KCNQ3: variants seen among roughly 807,000 people sequenced by gnomAD.
The protein encoded by KCNQ3 is potassium voltage-gated channel subfamily Q member 3.
A neutral mutation model predicts 92.5 loss-of-function variants in KCNQ3; 30 were observed. The ratio of observed to expected loss-of-function variants is 0.32; its 90% CI spans 0.24 to 0.44. KCNQ3 has a LOEUF of 0.44. Among genes scored for constraint, KCNQ3 ranks in the 20% least tolerant of loss-of-function variants. The probability of loss-of-function intolerance (pLI) is 1.00; values close to 1 mark genes in which losing one functional copy is unlikely to be tolerated. For missense variants in KCNQ3, 913 were observed against 1,140.3 expected (o/e 0.80, Z 2.87); for synonymous variants, 450 against 468.8 (o/e 0.96, Z 0.52).
At chr8:132,403,883 A>C (rs1291614038) in intron 1 of KCNQ3, among the ~76,000 whole-genome samples, 1 of 152,152 alleles carries the variant, frequency 6.6e-6, no homozygotes, top group Non-Finnish European at 1.5e-5. Flanking sequence ...AACCTCATGA[A>C]ACATCCTGTA....
chr8:132,451,598 G>A (rs927215343), intron 1 of KCNQ3, among the ~76,000 whole-genome samples: 1 of 152,188 alleles, frequency 6.6e-6, no homozygotes, highest in African/African-American at 2.4e-5. Flanking sequence ...AAAGTGCAGG[G>A]AAGAAGAAGA....
chr8:132,240,182 CTTTTTTTTTTTT>C (rs11342824), intron 1 of KCNQ3, among the ~76,000 whole-genome samples: 2 of 111,908 alleles, frequency 1.8e-5, no homozygotes, highest in Non-Finnish European at 3.5e-5. Flanking sequence ...TGCCATGATT[CTTTTTTTTTTTT>C]TTTTTTTTTG....
chr8:132,476,877 C>G lies in KCNQ3; in HGVS notation c.386+3270G>C, dbSNP rs188330627. ...AATGATATGTTTTCGCTCTGTGTCC[C>G]CACCCAACTCTCGTCTCAAATTATA... On this transcript the variant is annotated intron_variant, in intron 1 of 14. Coordinates refer to ENST00000388996, the MANE Select transcript of KCNQ3 (RefSeq NM_004519.4). Among the ~76,000 whole-genome samples the G allele has an allele frequency of 3.3e-5, 5 of 152,210 alleles. No individual in the cohort carries two copies. In the East Asian group the frequency reaches 9.7e-4, roughly 29 times the overall value.
At chr8:132,278,215 G>C in intron 1 of KCNQ3, 1 of 984,892 alleles carries the variant, frequency 1.0e-6, no homozygotes, top group Non-Finnish European at 1.2e-6. Context: ...TAAGACCAAA[G>C]ACAAAATTAG....
intron 1 of KCNQ3, among the ~76,000 whole-genome samples, chr8:132,376,808 T>C (rs942874281): frequency 1.3e-5 from 2 of 152,172 alleles, no homozygotes; most frequent in African/African-American, 4.8e-5. Flanking sequence ...CCTAGAGAGA[T>C]AAGTGACACT....
At chr8:132,251,348 G>T (rs1375269220) in intron 1 of KCNQ3, among the ~76,000 whole-genome samples, 1 of 152,208 alleles carries the variant, frequency 6.6e-6, no homozygotes, top group African/African-American at 2.4e-5. Flanking sequence ...ATACAATGAA[G>T]GTCTGGATCA....
At chr8:132,174,080 G>A (rs962910138) in intron 6 of KCNQ3, among the ~76,000 whole-genome samples, 159 bp downstream of exon 6, 1 of 152,116 alleles carries the variant, frequency 6.6e-6, no homozygotes, top group African/African-American at 2.4e-5. Context: ...AAGCAGCAGG[G>A]CCTGTGGCAA....
chr8:132,406,727 C>T (rs1325821942), intron 1 of KCNQ3, among the ~76,000 whole-genome samples: 1 of 152,250 alleles, frequency 6.6e-6, no homozygotes, highest in African/African-American at 2.4e-5. Flanking sequence ...AATAATAAGT[C>T]AGGGGATGTG....
chr8:132,367,749 C>T (rs1185116386), intron 1 of KCNQ3, among the ~76,000 whole-genome samples: 2 of 152,168 alleles, frequency 1.3e-5, no homozygotes, highest in Non-Finnish European at 2.9e-5. Context: ...GTACTTTCTG[C>T]TAATATCTTT....
chr8:132,331,757 C>T (rs774275441), intron 1 of KCNQ3, among the ~76,000 whole-genome samples: 1 of 152,176 alleles, frequency 6.6e-6, no homozygotes, highest in Non-Finnish European at 1.5e-5. Context: ...AAATATTATA[C>T]CCATTGCTGC....
intron 1 of KCNQ3, among the ~76,000 whole-genome samples, chr8:132,322,444 G>A: frequency 6.6e-6 from 1 of 152,138 alleles, no homozygotes; most frequent in South Asian, 2.1e-4. Flanking sequence ...CCAGTGACAT[G>A]GAGAAGCCCA....
At chr8:132,384,318 C>T (rs540846101) in intron 1 of KCNQ3, among the ~76,000 whole-genome samples, 16 of 152,240 alleles carry the variant, frequency 1.1e-4, no homozygotes, top group Middle Eastern at 3.4e-3. Flanking sequence ...GATGAATAAA[C>T]GAAAGGATGA....
intron 1 of KCNQ3, among the ~76,000 whole-genome samples, chr8:132,232,020 G>A (rs1215627311): frequency 6.6e-6 from 1 of 152,154 alleles, no homozygotes; most frequent in Non-Finnish European, 1.5e-5. Flanking sequence ...TAATTTCCAG[G>A]AGAGTTAACG....
At position 132,272,078 on chromosome 8, in the gene KCNQ3, C is replaced by T. The variant is rs533538266; in HGVS notation, c.387-85897G>A. The stretch of plus-strand genomic sequence containing the variant: ...ACATGCCTTGCACATGTAGACTTTG[C>T]TTCCTCTCTCTTACTACGTCTAGGT... On this transcript the variant is annotated intron_variant, in intron 1 of 14. Transcript: ENST00000388996. Among the ~76,000 whole-genome samples, 3 of 152,346 alleles carry T rather than the reference C, an allele frequency of 2.0e-5. No homozygotes were observed. In the South Asian group the frequency reaches 6.2e-4, roughly 32 times the overall value.
chr8:132,356,921 AGAT>A (rs1190059290), intron 1 of KCNQ3, among the ~76,000 whole-genome samples: 32 of 152,328 alleles, frequency 2.1e-4, no homozygotes, highest in African/African-American at 7.5e-4. Flanking sequence ...GAATTGGATT[AGAT>A]GTCTTTTAAA....
intron 1 of KCNQ3, among the ~76,000 whole-genome samples, chr8:132,465,139 C>A (rs554298362): frequency 2.0e-5 from 3 of 152,158 alleles, no homozygotes; most frequent in Non-Finnish European, 4.4e-5. Flanking sequence ...CAGCACAGGG[C>A]GGAAGTCACA....
Position 132,303,677 on chromosome 8 carries a change from T to TACACACAC in KCNQ3, c.387-117504_387-117497dup, listed in dbSNP as rs1554642855. Among the ~76,000 whole-genome samples the TACACACAC allele has an allele frequency of 1.1e-3, 97 of 85,976 alleles. 3 individuals carry two copies. In the South Asian group the frequency reaches 0.013, roughly 11 times the overall value. 56.4% of individuals were successfully genotyped at this position (85,976 alleles called of 152,430 possible). On this transcript the variant is annotated intron_variant, in intron 1 of 14. Coordinates refer to ENST00000388996, the MANE Select transcript of KCNQ3 (RefSeq NM_004519.4). ...TTTATGGTGTGTGTGTATATATATATACACACACACAGCCACACCACACAC... is the reference window on the plus strand; with the variant it reads ...TTTATGGTGTGTGTGTATATATATATACACACACACACACACACAGCCACACCACACAC...
chr8:132,149,873 C>G (rs139937179), intron 9 of KCNQ3, among the ~76,000 whole-genome samples: 1,580 of 152,240 alleles, frequency 0.01, 13 homozygotes, highest in Middle Eastern at 0.02. Flanking sequence ...CCACAGAGTT[C>G]CCCCCTCCCC....
Position 132,129,913 on chromosome 8 carries a change from C to G in KCNQ3, c.1968G>C (p.Glu656Asp). ...AGGAGGTGCCCTTGGTTGGGTAATA[C>G]TCCGTGACCTGCACCTGCAACCGTT... ...HMERLQVQVT[E>D]YYPTKGTSSP... Residue 656 changes from glutamate to aspartate, a missense_variant, in exon 15 of 15, where the codon GAG becomes GAC. Physicochemically the swap from Glu to Asp is conservative, Grantham distance 45 (BLOSUM62 2). This residue lies in a region of KCNQ3 where 375 missense variants were observed against 376.4 expected (regional missense o/e 1.00). Transcript: ENST00000388996. The surrounding 1 kb of genome is among the most constrained non-coding windows in gnomAD (Gnocchi z 5.9). The G allele has an allele frequency of 6.2e-7, 1 of 1,614,170 alleles. No homozygotes were observed. The highest frequency in any genetic ancestry group is 8.5e-7 in the Non-Finnish European group (1 of 1,180,050).
Sources: allele counts gnomAD v4.1 joint callset (sites outside exome capture counted in the v4.1 genomes callset), GRCh38; gene constraint gnomAD v4.1.1; regional missense constraint gnomAD v4.1.1; non-coding constraint Gnocchi (gnomAD v3.1); transcripts MANE v1.5; gene names NCBI Gene and HGNC (gene_info 2026-07-23, HGNC 2026-07-21).